Variants in SHTN1 observed in about 807,000 individuals in gnomAD.
SHTN1 encodes the protein shootin-1.
SHTN1 carries 42 observed loss-of-function variants against 83.1 expected under a neutral mutation model. That is an observed-to-expected ratio of 0.51 (90% CI 0.39 to 0.65). The LOEUF is 0.65. Ranked by LOEUF, SHTN1 falls within the 30% of genes least tolerant of loss-of-function variation. The pLI is 0.00. For missense variants in SHTN1, 622 were observed against 737.8 expected, an observed-to-expected ratio of 0.84 and a Z score of 1.82; for synonymous variants, 224 against 247.7, an observed-to-expected ratio of 0.90 and a Z score of 0.90.
intron 4 of SHTN1, among the ~76,000 whole-genome samples, chr10:116,956,870 C>T (rs562239425): frequency 2.6e-5 from 4 of 152,198 alleles, no homozygotes; most frequent in South Asian, 2.1e-4. Context: ...ACCCCATTTT[C>T]GCATTTTGAA....
chr10:116,934,545 G>C (rs144074296), intron 9 of SHTN1, among the ~76,000 whole-genome samples: 3 of 152,278 alleles, frequency 2.0e-5, no homozygotes, highest in Admixed American at 6.5e-5. Flanking sequence ...TTTGGTACCA[G>C]TACCATGCTG....
At chr10:116,989,965 T>C (rs1157605376) in intron 1 of SHTN1, among the ~76,000 whole-genome samples, 2 of 152,264 alleles carry the variant, frequency 1.3e-5, no homozygotes, top group East Asian at 3.9e-4. Flanking sequence ...GCCACTTTAC[T>C]CGTTCTGGGA....
At chr10:117,017,335 C>CA (rs1363376170) in intron 2 of SHTN1, among the ~76,000 whole-genome samples, 1 of 151,650 alleles carries the variant, frequency 6.6e-6, no homozygotes, top group Non-Finnish European at 1.5e-5. Context: ...ACTAAAAATA[C>CA]AAAAAATTAG....
At chr10:116,896,700 A>G (rs1343713444) in intron 16 of SHTN1, among the ~76,000 whole-genome samples, 1 of 152,082 alleles carries the variant, frequency 6.6e-6, no homozygotes, top group Non-Finnish European at 1.5e-5. Flanking sequence ...GGACCAGCAG[A>G]GCGGCTCCGA....
chr10:116,970,786 A>G (rs570890370), intron 2 of SHTN1, among the ~76,000 whole-genome samples: 1 of 152,014 alleles, frequency 6.6e-6, no homozygotes, highest in African/African-American at 2.4e-5. Context: ...ATAATATCTT[A>G]CATACACAAA....
intron 14 of SHTN1, chr10:116,907,873 C>T (rs1243322898): frequency 1.9e-6 from 1 of 517,968 alleles, no homozygotes; most frequent in Non-Finnish European, 3.9e-6. Flanking sequence ...TGTTTGAACT[C>T]ACTAAGGACT....
Position 116,884,516 on chromosome 10 carries a change from G to C in SHTN1, c.*1828C>G. 1.2e-5 allele frequency: 4 copies of C among 325,532 alleles called. No individual in the cohort carries two copies. Among genetic ancestry groups the C allele is most frequent in the South Asian group, 9.8e-5 (4 of 40,672 alleles). 20.2% of individuals were successfully genotyped at this position (325,532 alleles called of 1,614,324 possible). A position where few individuals can be genotyped will look rare whatever the true frequency, so the allele number is the denominator to read the frequency against. On this transcript the variant is annotated 3_prime_UTR_variant, in exon 17 of 17. Transcript: ENST00000355371. ...GCAACTTCTTACTCTAGAAAGGAGG[G>C]TATTTTGATAACCATATTATTCTGT...
chr10:116,925,214 T>C (rs1480732953), intron 11 of SHTN1, among the ~76,000 whole-genome samples: 1 of 152,190 alleles, frequency 6.6e-6, no homozygotes, highest in East Asian at 1.9e-4. Context: ...TTTCAATCAG[T>C]AGACTGAGTA....
At chr10:116,941,995 T>C (rs968153326) in intron 8 of SHTN1, among the ~76,000 whole-genome samples, 5 of 152,202 alleles carry the variant, frequency 3.3e-5, no homozygotes, top group Admixed American at 6.5e-5. Flanking sequence ...AACAATTGCA[T>C]ATACATGAAA....
chr10:116,888,049 T>C (rs932926036), intron 16 of SHTN1, among the ~76,000 whole-genome samples: 1 of 152,252 alleles, frequency 6.6e-6, no homozygotes, highest in African/African-American at 2.4e-5. Context: ...CTCTGGCTAC[T>C]GGGTTATATT....
At chr10:116,964,995 A>T (rs1850337462) in intron 3 of SHTN1, among the ~76,000 whole-genome samples, 1 of 152,112 alleles carries the variant, frequency 6.6e-6, no homozygotes, top group African/African-American at 2.4e-5. Flanking sequence ...AAATAAAAAG[A>T]TATGAAAGGT....
At chr10:117,018,396 G>GAA (rs56130739) in intron 2 of SHTN1, among the ~76,000 whole-genome samples, 4 of 150,874 alleles carry the variant, frequency 2.7e-5, no homozygotes, top group African/African-American at 7.3e-5. Context: ...AATAGATTTA[G>GAA]AAAAAAAGCA....
At chr10:117,000,166 G>A (rs766861778) in intron 1 of SHTN1, among the ~76,000 whole-genome samples, 1 of 152,048 alleles carries the variant, frequency 6.6e-6, no homozygotes, top group African/African-American at 2.4e-5. Flanking sequence ...TTGAAAACAA[G>A]GCAACATTTA....
intron 2 of SHTN1, chr10:117,048,342 C>G: frequency 3.2e-6 from 1 of 315,720 alleles, no homozygotes; most frequent in Non-Finnish European, 4.6e-6. Context: ...CACTCATTCA[C>G]AAAGAGAATA....
upstream of SHTN1, among the ~76,000 whole-genome samples, chr10:117,008,138 T>C (rs1160121902): frequency 2.6e-5 from 4 of 151,966 alleles, no homozygotes; most frequent in Admixed American, 6.6e-5. Flanking sequence ...AATATATACA[T>C]AGAGATAAAG....
intron 2 of SHTN1, among the ~76,000 whole-genome samples, chr10:117,026,594 G>T (rs892049924): frequency 1.3e-5 from 2 of 152,104 alleles, no homozygotes; most frequent in African/African-American, 4.8e-5. Context: ...AGCTAATTTT[G>T]TATTTTTAGT....
chr10:117,014,306 A>G (rs1852149322), intron 2 of SHTN1, among the ~76,000 whole-genome samples: 2 of 152,226 alleles, frequency 1.3e-5, no homozygotes, highest in African/African-American at 4.8e-5. Context: ...TTTAATAACA[A>G]GTCAGCCAAG....
At chr10:116,952,110 T>G (rs951308462) in intron 5 of SHTN1, 104 bp from the exon 6 acceptor site, 1 of 486,522 alleles carries the variant, frequency 2.1e-6, no homozygotes, top group Non-Finnish European at 3.4e-6. Context: ...CAGCTTATGG[T>G]CAAGATTATT....
At chr10:117,048,070 AG>A (rs1343373921) in intron 2 of SHTN1, among the ~76,000 whole-genome samples, 4 of 152,206 alleles carry the variant, frequency 2.6e-5, no homozygotes, top group African/African-American at 9.6e-5. Flanking sequence ...AGCTGTAAAA[AG>A]GGCATAGTCC....
Sources: allele counts gnomAD v4.1 joint callset (sites outside exome capture counted in the v4.1 genomes callset), GRCh38; gene constraint gnomAD v4.1.1; transcripts MANE v1.5; gene names NCBI Gene and HGNC (gene_info 2026-07-23, HGNC 2026-07-21).